Variants in TJP3 observed in about 807,000 individuals in gnomAD.
TJP3 encodes the protein tight junction protein ZO-3.
A neutral mutation model predicts 104.2 loss-of-function variants in TJP3; 85 were observed. That is an observed-to-expected ratio of 0.82 (90% CI 0.68 to 0.98). The LOEUF (loss-of-function observed/expected upper bound fraction) is 0.98. Among genes scored for constraint, TJP3 ranks in the 50% least tolerant of loss-of-function variants. TJP3 has a pLI of 0.00. For synonymous variants in TJP3, 550 were observed against 550.6 expected (o/e 1.00, Z 0.02); for missense variants, 1,367 against 1,322.8 (o/e 1.03, Z -0.52).
chr19:3,746,911 GC>G lies in TJP3; in HGVS notation c.2322+39del. 1 of 1,549,582 alleles carries G rather than the reference GC, an allele frequency of 6.5e-7. No individual in the cohort carries two copies. Among genetic ancestry groups the G allele is most frequent in the Non-Finnish European group, 8.8e-7 (1 of 1,140,280 alleles). On this transcript the variant is annotated intron_variant, in intron 18 of 20. Transcript: ENST00000541714. This position sits in a 1 kb window ranked among gnomAD's most constrained non-coding sequence, Gnocchi z 4.1. Reference sequence around the variant, plus strand: ...CGGTGTGGGTGGGTCGGGCAGGGAGGCCCCACAGACGCTGTGCAGGCCCAGC... The same window carrying G: ...CGGTGTGGGTGGGTCGGGCAGGGAGGCCCACAGACGCTGTGCAGGCCCAGC...
At position 3,747,824 on chromosome 19, in the gene TJP3, C is replaced by T; in HGVS notation, c.2353C>T (p.Leu785Phe). Residue 785 changes from leucine to phenylalanine, a missense_variant, in exon 19 of 21, where the codon CTC becomes TTC. Coordinates refer to ENST00000541714, the MANE Select transcript of TJP3 (RefSeq NM_001267560.2). ...TGGCTCCTTGGAGGACAACCTAGAC[C>T]TCCCTCACCACGGCCTGGCCGACAG... Reference protein sequence around the residue: ...LDGSLEDNLDLPHHGLADSSA... With the variant: ...LDGSLEDNLDFPHHGLADSSA... 1 of 1,606,098 alleles carries T rather than the reference C, an allele frequency of 6.2e-7. No individual in the cohort carries two copies. Among genetic ancestry groups the T allele is most frequent in the Non-Finnish European group, 8.5e-7 (1 of 1,178,538 alleles).
chr19:3,747,782 C>A lies in TJP3; in HGVS notation c.2323-12C>A, dbSNP rs763076638. ...GCCAGGGCCAGCCGCAGCATCCACA[C>A]CCACCCCACAGCTGGATGGCTCCTT... On this transcript the variant is annotated splice_polypyrimidine_tract_variant and intron_variant, in intron 18 of 20. Transcript: ENST00000541714. The A allele has an allele frequency of 1.3e-6, 2 of 1,566,130 alleles. No individual in the cohort carries two copies. Among genetic ancestry groups the A allele is most frequent in the Admixed American group, 1.8e-5 (1 of 57,122 alleles).
chr19:3,738,749 T>C (rs1207925384), intron 12 of TJP3, 86 bp downstream of exon 12: 4 of 1,366,318 alleles, frequency 2.9e-6, no homozygotes, highest in Admixed American at 3.6e-5. Context: ...AGGGATGTGG[T>C]TGAATCTGCA....
At chr19:3,732,143 AT>A in intron 6 of TJP3, 105 bp downstream of exon 6, 2 of 868,616 alleles carry the variant, frequency 2.3e-6, no homozygotes, top group Non-Finnish European at 3.4e-6. Context: ...GCCCCAAAGC[AT>A]TTACCTTCAG....
At position 3,733,609 on chromosome 19, in the gene TJP3, A is replaced by C. The variant is rs187713832; in HGVS notation, c.718-144A>C. The C allele has an allele frequency of 1.6e-4, 179 of 1,104,874 alleles. 1 individual carries two copies. In the African/African-American group the frequency reaches 2.3e-3, roughly 14 times the overall value. The allele number at this position is 1,104,874 out of a possible 1,614,324, so 68.4% of individuals were successfully genotyped here. On this transcript the variant is annotated intron_variant, in intron 6 of 20. Transcript: ENST00000541714. ...GGTCTCCACTCACAGCAGGAATCCA[A>C]TTCAACACTTTCCTTAGGGAGTGGC...
At chr19:3,733,326 G>A (rs4239600) in intron 6 of TJP3, among the ~76,000 whole-genome samples, 63,218 of 152,012 alleles carry the variant, frequency 0.42, 13,825 homozygotes, top group Admixed American at 0.61. Flanking sequence ...GTGAGCCACC[G>A]CGCCCCACTC....
intron 1 of TJP3, among the ~76,000 whole-genome samples, chr19:3,727,908 C>T (rs967211807): frequency 2.6e-5 from 4 of 152,016 alleles, no homozygotes; most frequent in Non-Finnish European, 5.9e-5. Flanking sequence ...TGCCACTGCA[C>T]TCCAGCCTGG....
chr19:3,745,470 A>G (rs904769563), intron 15 of TJP3, among the ~76,000 whole-genome samples: 1 of 152,132 alleles, frequency 6.6e-6, no homozygotes, highest in Admixed American at 6.6e-5. Flanking sequence ...CCACAAAAAC[A>G]AAAAGGGGGG....
intron 1 of TJP3, among the ~76,000 whole-genome samples, chr19:3,709,815 C>G (rs2036417226): frequency 6.6e-6 from 1 of 152,058 alleles, no homozygotes; most frequent in Non-Finnish European, 1.5e-5. Context: ...GGCTTCCACA[C>G]CTCCCTTCTC....
intron 1 of TJP3, among the ~76,000 whole-genome samples, chr19:3,718,212 A>AGT (rs71339057): frequency 0.026 from 1,239 of 48,200 alleles, 21 homozygotes; most frequent in East Asian, 0.036. Context: ...AAAAAAAAAA[A>AGT]GTGTGTGTGT....
Position 3,746,135 on chromosome 19 carries a change from T to A in TJP3, c.2010+54T>A. ...TTCATGGATGGGGGAAACCGAGGCC[T>A]GGGCATCCAACTGAATGTCCTGACC... On this transcript the variant is annotated intron_variant, in intron 16 of 20. Transcript: ENST00000541714. This position sits in a 1 kb window ranked among gnomAD's most constrained non-coding sequence, Gnocchi z 4.1. The A allele has an allele frequency of 6.6e-7, 1 of 1,518,246 alleles. No homozygotes were observed. Among genetic ancestry groups the A allele is most frequent in the South Asian group, 1.2e-5 (1 of 84,416 alleles). 94.0% of individuals were successfully genotyped at this position (1,518,246 alleles called of 1,614,324 possible). A position where few individuals can be genotyped will look rare whatever the true frequency, so the allele number is the denominator to read the frequency against.
At chr19:3,709,421 G>A (rs923056325) in intron 1 of TJP3, among the ~76,000 whole-genome samples, 10 of 152,102 alleles carry the variant, frequency 6.6e-5, no homozygotes, top group Admixed American at 3.3e-4. Flanking sequence ...TTACTCCTCC[G>A]AGCAAAATCT....
chr19:3,715,358 G>C (rs1407628529), intron 1 of TJP3, among the ~76,000 whole-genome samples: 2 of 152,080 alleles, frequency 1.3e-5, no homozygotes, highest in African/African-American at 4.8e-5. Flanking sequence ...CAAAGTGCTG[G>C]GATTACAGGT....
rs1004904997 is a variant in TJP3 at position 3,716,905 on chromosome 19, T to G, written c.-10+8344T>G. On this transcript the variant is annotated intron_variant, in intron 1 of 20. Coordinates refer to ENST00000541714, the MANE Select transcript of TJP3 (RefSeq NM_001267560.2). ...CCTCTGCCTCCCAGGTTCAAGTGAT[T>G]CTCCTGCCTCAGCCTCCCGAGTACC... is the stretch of plus-strand genomic sequence containing the variant. Among the ~76,000 whole-genome samples the G allele has an allele frequency of 1.5e-4, 21 of 142,676 alleles. 2 individuals carry two copies. Among genetic ancestry groups the G allele is most frequent in the Non-Finnish European group, 2.2e-4 (14 of 63,990 alleles). 93.6% of individuals were successfully genotyped at this position (142,676 alleles called of 152,430 possible). A position where few individuals can be genotyped will look rare whatever the true frequency, so the allele number is the denominator to read the frequency against.
intron 3 of TJP3, 48 bp downstream of exon 3, chr19:3,728,761 G>A (rs1176493535): frequency 6.3e-7 from 1 of 1,588,166 alleles, no homozygotes; most frequent in African/African-American, 1.3e-5. Context: ...CACGTGGAGA[G>A]GAGAAACCAG....
At chr19:3,729,781 C>CAA (rs35091592) in intron 3 of TJP3, among the ~76,000 whole-genome samples, 1,899 of 120,408 alleles carry the variant, frequency 0.016, 27 homozygotes, top group African/African-American at 0.021. Context: ...GACTCTGTCT[C>CAA]AAAAAAAAAA....
In TJP3 at chr19:3,739,149, C is replaced by A. The variant is rs2036778928; in HGVS notation, c.1631+15C>A. On this transcript the variant is annotated intron_variant, in intron 13 of 20. Transcript: ENST00000541714. The stretch of plus-strand genomic sequence containing the variant: ...AACCAGAGCAGGTGGGGACTGTGTG[C>A]TCCTGCAGTGGGGCACTTCTGCTTC... The A allele has an allele frequency of 1.3e-6, 2 of 1,509,862 alleles. No homozygotes were observed. Among genetic ancestry groups the A allele is most frequent in the African/African-American group, 1.4e-5 (1 of 72,394 alleles). 93.5% of individuals were successfully genotyped at this position (1,509,862 alleles called of 1,614,324 possible).
In TJP3 at chr19:3,746,966, G is replaced by A. The variant is rs1211186820; in HGVS notation, c.2322+90G>A. ...GGTTTGGGGCCTCTGTCGGGAGTTA[G>A]GGCTTGGTCAGGGATCAGGACTGTG... is the stretch of plus-strand genomic sequence containing the variant. On this transcript the variant is annotated intron_variant, in intron 18 of 20. Coordinates refer to ENST00000541714, the MANE Select transcript of TJP3 (RefSeq NM_001267560.2). The surrounding 1 kb of genome is among the most constrained non-coding windows in gnomAD (Gnocchi z 4.1). The A allele has an allele frequency of 1.5e-6, 2 of 1,303,168 alleles. No individual in the cohort carries two copies. Among genetic ancestry groups the A allele is most frequent in the Non-Finnish European group, 2.1e-6 (2 of 931,060 alleles). 80.7% of individuals were successfully genotyped at this position (1,303,168 alleles called of 1,614,324 possible).
rs554043041 is a variant in TJP3, at chr19:3,724,386, G to A, written c.-9-4038G>A. Among the ~76,000 whole-genome samples, 19 of 152,224 alleles carry A rather than the reference G, an allele frequency of 1.2e-4. No individual in the cohort carries two copies. In the East Asian group the frequency reaches 1.5e-3, roughly 12 times the overall value. On this transcript the variant is annotated intron_variant, in intron 1 of 20. Transcript: ENST00000541714. ...AATTTTTTGTATTTTTAGTAGAGAC[G>A]GGGTTTCACCATGTTAGCCAGGATA... is the stretch of plus-strand genomic sequence containing the variant.
Sources: allele counts gnomAD v4.1 joint callset (sites outside exome capture counted in the v4.1 genomes callset), GRCh38; gene constraint gnomAD v4.1.1; non-coding constraint Gnocchi (gnomAD v3.1); transcripts MANE v1.5; gene names NCBI Gene and HGNC (gene_info 2026-07-23, HGNC 2026-07-21).